The following CRPPA variants were observed in gnomAD, a reference collection of about 807,000 sequenced individuals.
The protein encoded by CRPPA is CDP-L-ribitol pyrophosphorylase A, also known as D-ribitol-5-phosphate cytidylyltransferase.
In CRPPA, 43 loss-of-function variants were observed where a neutral mutation model predicts 52.0. That is an observed-to-expected ratio of 0.83 (90% confidence interval 0.65 to 1.07). The LOEUF is 1.07. Ranked by LOEUF, CRPPA falls within the 50% of genes least tolerant of loss-of-function variation. The pLI is 0.00. For missense variants in CRPPA, 629 were observed against 551.7 expected (o/e 1.14, Z -1.40); for synonymous variants, 250 against 203.5 (o/e 1.23, Z -1.94).
intron 8 of CRPPA, among the ~76,000 whole-genome samples, chr7:16,223,738 T>C (rs1381367691): frequency 6.6e-6 from 1 of 152,142 alleles, no homozygotes; most frequent in Non-Finnish European, 1.5e-5. Context: ...GGTTGCAAAA[T>C]GGTAACTCAA....
At chr7:16,263,415 AT>A (rs1372395665) in intron 6 of CRPPA, among the ~76,000 whole-genome samples, 1 of 152,198 alleles carries the variant, frequency 6.6e-6, no homozygotes, top group African/African-American at 2.4e-5. Context: ...GCTATTATGT[AT>A]TTCTTAAACT....
At chr7:16,322,746 C>G (rs374643999) in intron 3 of CRPPA, among the ~76,000 whole-genome samples, 1 of 152,110 alleles carries the variant, frequency 6.6e-6, no homozygotes, top group African/African-American at 2.4e-5. Context: ...CATATAAGTT[C>G]CACAACCGTA....
At chr7:16,352,885 A>G (rs1185121161) in intron 3 of CRPPA, among the ~76,000 whole-genome samples, 5 of 9,298 alleles carry the variant, frequency 5.4e-4, no homozygotes, top group African/African-American at 1.0e-3. Flanking sequence ...CATGGCACAC[A>G]CACACACACA....
chr7:16,346,843 G>A (rs1264019156), intron 3 of CRPPA, among the ~76,000 whole-genome samples: 5 of 151,802 alleles, frequency 3.3e-5, no homozygotes, highest in Admixed American at 3.3e-4. Flanking sequence ...CCTCACCAAC[G>A]TAGCTACCTC....
chr7:16,158,622 CAGAGT>C (rs1783237087), intron 9 of CRPPA, among the ~76,000 whole-genome samples: 1 of 152,146 alleles, frequency 6.6e-6, no homozygotes, highest in South Asian at 2.1e-4. Context: ...TACAACTGCA[CAGAGT>C]AAACTAGTAT....
At chr7:16,381,901 G>T (rs1427595919) in intron 2 of CRPPA, among the ~76,000 whole-genome samples, 3 of 151,992 alleles carry the variant, frequency 2.0e-5, no homozygotes, top group African/African-American at 7.3e-5. Context: ...ACATGAGATG[G>T]GTTTCCTGAA....
chr7:16,205,616 A>G (rs1781957764), intron 9 of CRPPA, among the ~76,000 whole-genome samples: 1 of 152,134 alleles, frequency 6.6e-6, no homozygotes, highest in Admixed American at 6.6e-5. Context: ...AACCATTTTC[A>G]TCTAAAAAGT....
chr7:16,252,717 T>C (rs572925288), intron 8 of CRPPA, among the ~76,000 whole-genome samples: 4 of 152,200 alleles, frequency 2.6e-5, no homozygotes, highest in Admixed American at 2.6e-4. Flanking sequence ...AGAATTCGGC[T>C]GTGAATCGGT....
At chr7:16,414,406 A>G (rs1045166101) in intron 1 of CRPPA, among the ~76,000 whole-genome samples, 1 of 134,514 alleles carries the variant, frequency 7.4e-6, no homozygotes, top group Non-Finnish European at 1.7e-5. Flanking sequence ...CACACACCCC[A>G]TGACACTTTC....
chr7:16,400,913 A>G (rs1307468406), intron 2 of CRPPA, among the ~76,000 whole-genome samples: 2 of 152,204 alleles, frequency 1.3e-5, no homozygotes, highest in East Asian at 3.8e-4. Flanking sequence ...GTCTGGGGGA[A>G]TCCTAAAGCT....
At chr7:16,261,654 T>A (rs890901498) in intron 6 of CRPPA, among the ~76,000 whole-genome samples, 1 of 151,984 alleles carries the variant, frequency 6.6e-6, no homozygotes, top group Non-Finnish European at 1.5e-5. Context: ...TGCTTAAGAA[T>A]AGTTTATCTA....
chr7:16,271,709 C>T (rs1452547198), intron 6 of CRPPA, among the ~76,000 whole-genome samples: 2 of 152,182 alleles, frequency 1.3e-5, no homozygotes, highest in Non-Finnish European at 2.9e-5. Context: ...TACTGCCTTC[C>T]ACTCCCAATC....
At chr7:16,110,341 C>A (rs1005112146) in intron 9 of CRPPA, among the ~76,000 whole-genome samples, 1 of 152,000 alleles carries the variant, frequency 6.6e-6, no homozygotes, top group African/African-American at 2.4e-5. Flanking sequence ...TTAAAATACC[C>A]CTTCTACTCA....
intron 3 of CRPPA, among the ~76,000 whole-genome samples, chr7:16,341,137 A>T (rs1212687943): frequency 1.3e-5 from 2 of 152,168 alleles, no homozygotes; most frequent in Non-Finnish European, 1.5e-5. Context: ...GAGGCAGTGA[A>T]ATATCCTATG....
intron 9 of CRPPA, among the ~76,000 whole-genome samples, chr7:16,154,290 C>T (rs1475714615): frequency 6.6e-6 from 1 of 151,952 alleles, no homozygotes; most frequent in Non-Finnish European, 1.5e-5. Context: ...CAGAGGTATA[C>T]GTGTGCCACG....
At chr7:16,099,283 A>G (rs539432066) in intron 9 of CRPPA, among the ~76,000 whole-genome samples, 19 of 151,300 alleles carry the variant, frequency 1.3e-4, no homozygotes, top group Non-Finnish European at 2.5e-4. Context: ...AGGGGCAGAA[A>G]AAAAAAGGAA....
At chr7:16,379,335 TTCCATTGA>T (rs1787006452) in intron 2 of CRPPA, among the ~76,000 whole-genome samples, 1 of 152,354 alleles carries the variant, frequency 6.6e-6, no homozygotes, top group South Asian at 2.1e-4. Flanking sequence ...CTCTGTTCTG[TTCCATTGA>T]TCTATATCTC....
At chr7:16,365,176 C>T (rs548721706) in intron 3 of CRPPA, among the ~76,000 whole-genome samples, 1 of 152,246 alleles carries the variant, frequency 6.6e-6, no homozygotes, top group Non-Finnish European at 1.5e-5. Flanking sequence ...TGATACAGGT[C>T]ATAGGATCTG....
chr7:16,325,305 T>C (rs964629167), intron 3 of CRPPA, among the ~76,000 whole-genome samples: 1 of 152,134 alleles, frequency 6.6e-6, no homozygotes, highest in Admixed American at 6.5e-5. Flanking sequence ...AAACAAACCA[T>C]AGATTAGACA....
Sources: allele counts gnomAD v4.1 joint callset (sites outside exome capture counted in the v4.1 genomes callset), GRCh38; gene constraint gnomAD v4.1.1; transcripts MANE v1.5; gene names NCBI Gene and HGNC (gene_info 2026-07-23, HGNC 2026-07-21).